The following RBFOX1 variants were observed in gnomAD, a reference collection of about 807,000 sequenced individuals.
RBFOX1 encodes RNA binding fox-1 homolog 1, also known as RNA binding protein fox-1 homolog 1.
Under a neutral mutation model 57.7 loss-of-function variants are expected in RBFOX1, and 8 were observed. That is an observed-to-expected ratio of 0.14 (90% CI 0.08 to 0.25). The LOEUF (loss-of-function observed/expected upper bound fraction) is 0.25. RBFOX1 is among the 10% of genes least tolerant of loss of function. RBFOX1 has a pLI of 1.00. For synonymous variants in RBFOX1, 326 were observed against 222.4 expected (o/e 1.47, Z -4.15); for missense variants, 611 against 548.5 (o/e 1.11, Z -1.14).
At chr16:7,582,331 T>C (rs2093836623) in intron 6 of RBFOX1, among the ~76,000 whole-genome samples, 1 of 152,278 alleles carries the variant, frequency 6.6e-6, no homozygotes, top group East Asian at 1.9e-4. Context: ...TCTGTGTCCC[T>C]TTTTTTAAAA....
chr16:6,396,052 C>A (rs962489940), intron 2 of RBFOX1, among the ~76,000 whole-genome samples: 2 of 103,562 alleles, frequency 1.9e-5, no homozygotes, highest in Non-Finnish European at 3.5e-5. Flanking sequence ...GGTGACAGAG[C>A]AAGACTCCTT....
At chr16:7,073,364 G>A (rs1054160682) in intron 4 of RBFOX1, among the ~76,000 whole-genome samples, 1 of 152,126 alleles carries the variant, frequency 6.6e-6, no homozygotes, top group African/African-American at 2.4e-5. Flanking sequence ...ATCCTAAGAA[G>A]ATCTTCCCAA....
chr16:5,408,610 A>G (rs2066926893), intron 1 of RBFOX1, among the ~76,000 whole-genome samples: 1 of 152,192 alleles, frequency 6.6e-6, no homozygotes, highest in Non-Finnish European at 1.5e-5. Context: ...CCGTTCTTGC[A>G]TTGCCATAAG....
intron 4 of RBFOX1, among the ~76,000 whole-genome samples, chr16:7,268,235 T>C (rs2095224010): frequency 6.6e-6 from 1 of 152,216 alleles, no homozygotes; most frequent in Non-Finnish European, 1.5e-5. Context: ...GTTACTGAAC[T>C]GAAATGTGGT....
chr16:6,742,518 C>T (rs1227844726), intron 3 of RBFOX1, among the ~76,000 whole-genome samples: 1 of 152,028 alleles, frequency 6.6e-6, no homozygotes, highest in Non-Finnish European at 1.5e-5. Context: ...CACGAAAAAC[C>T]CCAGAAAGCT....
chr16:5,548,272 G>C (rs546861830), intron 2 of RBFOX1, among the ~76,000 whole-genome samples: 25 of 148,386 alleles, frequency 1.7e-4, no homozygotes, highest in African/African-American at 5.4e-4. Context: ...TAACTGTGGG[G>C]TACTATGCTC....
chr16:7,702,542 G>C (rs913374637), intron 14 of RBFOX1, among the ~76,000 whole-genome samples: 1 of 152,208 alleles, frequency 6.6e-6, no homozygotes, highest in Non-Finnish European at 1.5e-5. Context: ...ATTGACAACG[G>C]ATTCATTTAT....
At chr16:5,716,978 A>T (rs1455760804) in intron 3 of RBFOX1, among the ~76,000 whole-genome samples, 1 of 152,176 alleles carries the variant, frequency 6.6e-6, no homozygotes, top group South Asian at 2.1e-4. Flanking sequence ...AATGAGTTCA[A>T]GGTTTCCTCC....
chr16:6,035,130 C>A (rs558270867), intron 1 of RBFOX1, among the ~76,000 whole-genome samples: 1 of 152,316 alleles, frequency 6.6e-6, no homozygotes, highest in Non-Finnish European at 1.5e-5. Context: ...CCCCTTCACC[C>A]ATCCATGACA....
intron 2 of RBFOX1, among the ~76,000 whole-genome samples, chr16:5,468,369 C>T (rs548266702): frequency 6.6e-6 from 1 of 152,244 alleles, no homozygotes; most frequent in African/African-American, 2.4e-5. Context: ...CCCTTCAGCC[C>T]CTGACAGACA....
intron 4 of RBFOX1, among the ~76,000 whole-genome samples, chr16:7,511,994 G>C (rs1600495347): frequency 6.6e-6 from 1 of 152,190 alleles, no homozygotes. Flanking sequence ...TTTGCTTGAT[G>C]ATGTGGGGAA....
intron 2 of RBFOX1, among the ~76,000 whole-genome samples, chr16:6,415,010 A>G (rs1319307072): frequency 6.6e-6 from 1 of 152,076 alleles, no homozygotes; most frequent in Non-Finnish European, 1.5e-5. Flanking sequence ...TGGAAGGCCA[A>G]GACAGGCGGA....
chr16:6,539,817 A>ACG (rs2153830655), intron 2 of RBFOX1, among the ~76,000 whole-genome samples: 2 of 151,726 alleles, frequency 1.3e-5, no homozygotes, highest in African/African-American at 4.8e-5. Context: ...ACACACACAC[A>ACG]CACACACACA....
intron 2 of RBFOX1, among the ~76,000 whole-genome samples, chr16:6,425,345 T>C (rs2093894688): frequency 6.6e-6 from 1 of 152,188 alleles, no homozygotes. Flanking sequence ...CATTGTCTTC[T>C]CATTTAAATG....
intron 3 of RBFOX1, among the ~76,000 whole-genome samples, chr16:6,868,365 T>C (rs534960695): frequency 3.3e-5 from 5 of 152,300 alleles, no homozygotes; most frequent in East Asian, 3.9e-4. Flanking sequence ...AAAGGGATTA[T>C]GGATCTAGAG....
chr16:6,291,113 C>T (rs1039259796), intron 1 of RBFOX1, among the ~76,000 whole-genome samples: 2 of 152,180 alleles, frequency 1.3e-5, no homozygotes, highest in African/African-American at 4.8e-5. Context: ...CAGCAGTGGT[C>T]ACTCTGATTG....
chr16:6,193,647 T>C (rs2097161744), intron 1 of RBFOX1, among the ~76,000 whole-genome samples: 2 of 151,438 alleles, frequency 1.3e-5, no homozygotes, highest in Admixed American at 1.3e-4. Context: ...CAGCAGTGAG[T>C]GTGCAGTAAA....
intron 3 of RBFOX1, among the ~76,000 whole-genome samples, chr16:6,954,563 C>A (rs921651151): frequency 6.6e-6 from 1 of 152,068 alleles, no homozygotes; most frequent in African/African-American, 2.4e-5. Flanking sequence ...GTTGTCCACC[C>A]CAATGCTATA....
At chr16:6,092,252 A>G (rs2096186014) in intron 1 of RBFOX1, among the ~76,000 whole-genome samples, 1 of 152,200 alleles carries the variant, frequency 6.6e-6, no homozygotes, top group African/African-American at 2.4e-5. Flanking sequence ...CACATGCATT[A>G]AGTTAGTAAG....
Sources: allele counts gnomAD v4.1 joint callset (sites outside exome capture counted in the v4.1 genomes callset), GRCh38; gene constraint gnomAD v4.1.1; transcripts MANE v1.5; gene names NCBI Gene and HGNC (gene_info 2026-07-23, HGNC 2026-07-21).